The following SNX18 variants were observed in gnomAD, a reference collection of about 807,000 sequenced individuals.
SNX18 encodes the protein sorting nexin 18, also known as sorting nexin-18.
A neutral mutation model predicts 48.7 loss-of-function variants in SNX18; 35 were observed. That is an observed-to-expected ratio of 0.72 (90% CI 0.55 to 0.95). The LOEUF (loss-of-function observed/expected upper bound fraction) is 0.95, where lower values mean the gene tolerates loss of function less well. SNX18 is among the 40% of genes least tolerant of loss of function. The probability of loss-of-function intolerance (pLI) is 0.00; values close to 1 mark genes in which losing one functional copy is unlikely to be tolerated. For missense variants in SNX18, 824 were observed against 871.0 expected (o/e 0.95, Z 0.68); for synonymous variants, 492 against 384.7 (o/e 1.28, Z -3.26).
chr5:54,634,784 TAATAC>T, the SNX18 span, among the ~76,000 whole-genome samples: 3 of 152,146 alleles, frequency 2.0e-5, no homozygotes, highest in Non-Finnish European at 2.9e-5. Context: ...GAAAGACATA[TAATAC>T]ATTTATAAAT....
the SNX18 span, among the ~76,000 whole-genome samples, chr5:54,609,853 G>A: frequency 6.6e-6 from 1 of 152,064 alleles, no homozygotes; most frequent in Non-Finnish European, 1.5e-5. Flanking sequence ...CGTGGTGGGA[G>A]GTGATTGGAT....
the SNX18 span, among the ~76,000 whole-genome samples, chr5:54,556,248 A>T: frequency 6.6e-6 from 1 of 152,206 alleles, no homozygotes; most frequent in Admixed American, 6.5e-5. Context: ...AACAACACAG[A>T]TTTATTACCT....
the SNX18 span, among the ~76,000 whole-genome samples, chr5:54,581,233 G>A: frequency 6.6e-6 from 1 of 152,084 alleles, no homozygotes; most frequent in African/African-American, 2.4e-5. Context: ...AACAGATCCT[G>A]AATAAATATA....
At chr5:54,630,484 C>T in the SNX18 span, among the ~76,000 whole-genome samples, 1 of 152,054 alleles carries the variant, frequency 6.6e-6, no homozygotes, top group African/African-American at 2.4e-5. Flanking sequence ...TGGTCTGGAT[C>T]CCTTGATTCT....
At chr5:54,591,710 T>C in the SNX18 span, among the ~76,000 whole-genome samples, 1 of 152,330 alleles carries the variant, frequency 6.6e-6, no homozygotes, top group African/African-American at 2.4e-5. Context: ...GTGACTTGCA[T>C]TGGCATAAGA....
the SNX18 span, among the ~76,000 whole-genome samples, chr5:54,592,175 C>A: frequency 6.6e-6 from 1 of 152,168 alleles, no homozygotes; most frequent in South Asian, 2.1e-4. Flanking sequence ...CTTTACTATA[C>A]CCTCGCCTCC....
At chr5:54,624,228 T>G in the SNX18 span, among the ~76,000 whole-genome samples, 1 of 152,200 alleles carries the variant, frequency 6.6e-6, no homozygotes, top group East Asian at 1.9e-4. Context: ...CAAAATAATG[T>G]ATTCTCAATG....
the SNX18 span, among the ~76,000 whole-genome samples, chr5:54,572,421 T>G: frequency 6.6e-6 from 1 of 152,120 alleles, no homozygotes; most frequent in Admixed American, 6.6e-5. Flanking sequence ...GGCAATTAAC[T>G]GCCTAACTCC....
At chr5:54,609,110 G>A in the SNX18 span, among the ~76,000 whole-genome samples, 1 of 152,156 alleles carries the variant, frequency 6.6e-6, no homozygotes, top group African/African-American at 2.4e-5. Flanking sequence ...TCACAGTCCA[G>A]TAGAAATTTC....
intron 1 of SNX18, among the ~76,000 whole-genome samples, chr5:54,522,739 C>T (rs1009871611): frequency 7.0e-6 from 1 of 142,612 alleles, no homozygotes; most frequent in Non-Finnish European, 1.6e-5. Flanking sequence ...GGTGAGAACC[C>T]AGCTGCAAAA....
At chr5:54,632,546 T>C in the SNX18 span, among the ~76,000 whole-genome samples, 4,014 of 152,190 alleles carry the variant, frequency 0.026, 55 homozygotes, top group Middle Eastern at 0.041. Flanking sequence ...TGCAGGACAT[T>C]GCACGGCTCC....
the SNX18 span, among the ~76,000 whole-genome samples, chr5:54,552,762 T>C: frequency 9.9e-5 from 15 of 152,268 alleles, no homozygotes; most frequent in African/African-American, 3.6e-4. Flanking sequence ...AAATTTACTT[T>C]CTAGCTAGTA....
At chr5:54,582,682 C>T in the SNX18 span, among the ~76,000 whole-genome samples, 178 of 152,132 alleles carry the variant, frequency 1.2e-3, no homozygotes, top group African/African-American at 4.1e-3. Flanking sequence ...ATCTCAGCTA[C>T]TTGGGAGGCT....
the SNX18 span, among the ~76,000 whole-genome samples, chr5:54,620,665 G>A: frequency 6.6e-6 from 1 of 152,306 alleles, no homozygotes; most frequent in South Asian, 2.1e-4. Context: ...ACTAGAATTT[G>A]GCTGGTACAT....
At chr5:54,558,363 T>C in the SNX18 span, among the ~76,000 whole-genome samples, 1 of 152,236 alleles carries the variant, frequency 6.6e-6, no homozygotes, top group Non-Finnish European at 1.5e-5. Context: ...TATTTTTTCC[T>C]CCTTCCCTCC....
At chr5:54,521,436 C>A (rs1254721114) in intron 1 of SNX18, among the ~76,000 whole-genome samples, 1 of 152,186 alleles carries the variant, frequency 6.6e-6, no homozygotes, top group Non-Finnish European at 1.5e-5. Flanking sequence ...GCCAGGGTCA[C>A]GCCTGTAATC....
chr5:54,553,545 C>T, the SNX18 span, among the ~76,000 whole-genome samples: 1 of 152,216 alleles, frequency 6.6e-6, no homozygotes, highest in Non-Finnish European at 1.5e-5. Flanking sequence ...ATGCAAGGGA[C>T]ATTCTCCTTA....
At chr5:54,587,173 C>G in the SNX18 span, among the ~76,000 whole-genome samples, 5 of 152,016 alleles carry the variant, frequency 3.3e-5, no homozygotes, top group African/African-American at 1.2e-4. Context: ...ATCTGAGAAT[C>G]CATTCAAGTC....
the SNX18 span, among the ~76,000 whole-genome samples, chr5:54,617,280 C>CAGAAG: frequency 1.3e-5 from 2 of 152,154 alleles, no homozygotes; most frequent in African/African-American, 2.4e-5. Flanking sequence ...AAAAGCATAG[C>CAGAAG]AGAACAGAAC....
Sources: allele counts gnomAD v4.1 joint callset (sites outside exome capture counted in the v4.1 genomes callset), GRCh38; gene constraint gnomAD v4.1.1; transcripts MANE v1.5; gene names NCBI Gene and HGNC (gene_info 2026-07-23, HGNC 2026-07-21).